The following DMD variants were observed in gnomAD, a reference collection of about 807,000 sequenced individuals.
DMD encodes mutant dystrophin.
A neutral mutation model predicts 330.1 loss-of-function variants in DMD; 63 were observed. The ratio of observed to expected loss-of-function variants is 0.19; its 90% confidence interval spans 0.16 to 0.24. The LOEUF is 0.24. Ranked by LOEUF, DMD falls within the 10% of genes least tolerant of loss-of-function variation. DMD has a pLI of 1.00. For missense variants in DMD, 3,344 were observed against 2,684.1 expected, an observed-to-expected ratio of 1.25 and a Z score of -5.43; for synonymous variants, 1,223 against 959.8, an observed-to-expected ratio of 1.27 and a Z score of -5.07.
At chrX:31,825,370 G>C (rs907997460) in intron 49 of DMD, among the ~76,000 whole-genome samples, 1 of 111,816 alleles carries the variant, frequency 8.9e-6, no homozygotes, top group Non-Finnish European at 1.9e-5. Flanking sequence ...TATGTGCTGA[G>C]ATAGAGAGAA....
chrX:32,397,076 T>A (rs1185570969), intron 30 of DMD, among the ~76,000 whole-genome samples: 1 of 111,457 alleles, frequency 9.0e-6, no homozygotes, highest in African/African-American at 3.3e-5. Flanking sequence ...TTTGACATTA[T>A]GAGAATATGA....
chrX:31,323,143 C>CT (rs1360357279), intron 62 of DMD, among the ~76,000 whole-genome samples: 3 of 111,878 alleles, frequency 2.7e-5, no homozygotes, highest in African/African-American at 9.7e-5. Flanking sequence ...CCCTACGAGT[C>CT]GAGGACTGCT....
chrX:31,364,404 G>T (rs2059121771), intron 60 of DMD, among the ~76,000 whole-genome samples: 1 of 111,829 alleles, frequency 8.9e-6, no homozygotes, highest in Admixed American at 9.5e-5. Context: ...TGTTGAGGGT[G>T]TTAAGAGGAT....
At chrX:32,374,648 G>A (rs1056150582) in intron 34 of DMD, among the ~76,000 whole-genome samples, 1 of 111,593 alleles carries the variant, frequency 9.0e-6, no homozygotes, top group Non-Finnish European at 1.9e-5. Context: ...TCTCTATTCT[G>A]TTCCATTGAT....
intron 1 of DMD, among the ~76,000 whole-genome samples, chrX:33,085,686 C>T (rs1489058760): frequency 2.7e-5 from 3 of 111,735 alleles, no homozygotes; most frequent in Non-Finnish European, 3.8e-5. Context: ...TCAGATTTTC[C>T]TTATCCTCTT....
chrX:32,913,708 T>A (rs58416916), intron 2 of DMD, among the ~76,000 whole-genome samples: 19,857 of 111,269 alleles, frequency 0.18, 1,479 homozygotes, highest in East Asian at 0.3. Context: ...CACCCACTGC[T>A]TCTCTGTGTT....
At chrX:33,059,276 T>C (rs1283643960) in intron 1 of DMD, among the ~76,000 whole-genome samples, 1 of 111,553 alleles carries the variant, frequency 9.0e-6, no homozygotes. Context: ...GCAGAGACTA[T>C]GTCTCGTCTA....
At chrX:31,432,477 A>T (rs183267359) in intron 60 of DMD, among the ~76,000 whole-genome samples, 3 of 112,772 alleles carry the variant, frequency 2.7e-5, no homozygotes, top group Non-Finnish European at 5.6e-5. Context: ...AATAAAACTT[A>T]ACATTTTTAT....
At chrX:32,763,253 T>C (rs1207542386) in intron 7 of DMD, among the ~76,000 whole-genome samples, 1 of 112,469 alleles carries the variant, frequency 8.9e-6, no homozygotes, top group African/African-American at 3.2e-5. Context: ...ATACAATCGT[T>C]ATACTTTTAA....
rs1287566741 is a variant in DMD, at chrX:32,626,327, C to T, written c.1332-11874G>A. Among the ~76,000 whole-genome samples, 5 of 95,378 alleles carry T rather than the reference C, an allele frequency of 5.2e-5. 1 individual carries two copies. Among genetic ancestry groups the T allele is most frequent in the African/African-American group, 1.8e-4 (3 of 16,259 alleles). The allele number at this position is 95,378 out of a possible 115,157, so 82.8% of individuals were successfully genotyped here. The stretch of plus-strand genomic sequence containing the variant: ...ACTAAAAATACAAAAATTAGCTGGG[C>T]GTGGTGGCAAGCACTTTTTAATCCC... On this transcript the variant is annotated intron_variant, in intron 11 of 78. Coordinates refer to ENST00000357033, the MANE Select transcript of DMD (RefSeq NM_004006.3).
chrX:33,096,813 CA>C (rs980095853), intron 1 of DMD, among the ~76,000 whole-genome samples: 1 of 112,586 alleles, frequency 8.9e-6, no homozygotes, highest in Non-Finnish European at 1.9e-5. Context: ...GCCAAAGGGA[CA>C]ATATTTCTTT....
chrX:32,435,532 C>A (rs1281463448), intron 29 of DMD, among the ~76,000 whole-genome samples: 1 of 109,863 alleles, frequency 9.1e-6, no homozygotes, highest in Admixed American at 9.8e-5. Context: ...CTCAAAATCA[C>A]ATAGCCAGTG....
At chrX:32,569,718 G>A (rs2052178965) in intron 15 of DMD, among the ~76,000 whole-genome samples, 1 of 111,322 alleles carries the variant, frequency 9.0e-6, no homozygotes, top group African/African-American at 3.3e-5. Context: ...CATGTCCTTT[G>A]ATCCCACAGC....
At chrX:31,963,356 C>T (rs948047745) in intron 45 of DMD, among the ~76,000 whole-genome samples, 1 of 111,861 alleles carries the variant, frequency 8.9e-6, no homozygotes, top group Non-Finnish European at 1.9e-5. Context: ...TTTAAGAATT[C>T]AGAAGTAGAG....
chrX:31,249,264 C>CA (rs749917075), intron 63 of DMD, among the ~76,000 whole-genome samples: 3 of 111,532 alleles, frequency 2.7e-5, no homozygotes, highest in Non-Finnish European at 5.6e-5. Flanking sequence ...TTTTTTGAGA[C>CA]AGAGTCTCAC....
At chrX:32,748,450 A>G (rs894067296) in intron 7 of DMD, among the ~76,000 whole-genome samples, 2 of 111,586 alleles carry the variant, frequency 1.8e-5, no homozygotes, top group Admixed American at 1.9e-4. Flanking sequence ...AGGAGCAAAA[A>G]GTTTAATTTT....
chrX:31,212,790 G>T (rs1043249738), intron 64 of DMD, among the ~76,000 whole-genome samples: 1 of 111,331 alleles, frequency 9.0e-6, no homozygotes, highest in Admixed American at 9.5e-5. Flanking sequence ...ATTGTAAGGG[G>T]GAAAAGTGGG....
chrX:31,158,391 A>G (rs2038409308), intron 74 of DMD, among the ~76,000 whole-genome samples: 1 of 112,236 alleles, frequency 8.9e-6, no homozygotes, highest in South Asian at 3.7e-4. Context: ...ACAGTCCAGA[A>G]TAAGCAAATC....
intron 30 of DMD, among the ~76,000 whole-genome samples, chrX:32,400,143 A>G (rs941511924): frequency 9.0e-6 from 1 of 111,711 alleles, no homozygotes; most frequent in Non-Finnish European, 1.9e-5. Context: ...TCAATACCTA[A>G]TTTATTGAGA....
Sources: gnomAD v4.1 joint callset for allele counts (sites outside exome capture counted in the v4.1 genomes callset) on GRCh38, gnomAD v4.1.1 for gene constraint, MANE v1.5 for transcripts, NCBI Gene and HGNC (gene_info 2026-07-23, HGNC 2026-07-21) for gene names.